CD82: variants seen among roughly 807,000 people sequenced by gnomAD.
CD82 encodes the protein CD82 molecule.
Under a neutral mutation model 37.4 loss-of-function variants are expected in CD82, and 36 were observed. The ratio of observed to expected loss-of-function variants is 0.96; its 90% CI spans 0.74 to 1.27. The LOEUF (loss-of-function observed/expected upper bound fraction) is 1.27. Ranked by LOEUF, CD82 falls within the 50% of genes most tolerant of loss-of-function variation. The pLI is 0.00. For missense variants in CD82, 340 were observed against 347.0 expected (o/e 0.98, Z 0.16); for synonymous variants, 158 against 137.4 (o/e 1.15, Z -1.05).
intron 7 of CD82, among the ~76,000 whole-genome samples, chr11:44,617,197 C>T (rs961626524): frequency 6.6e-6 from 1 of 152,152 alleles, no homozygotes; most frequent in African/African-American, 2.4e-5. Flanking sequence ...ACAGAGACCT[C>T]CTTTAGCACA....
chr11:44,568,086 G>T (rs575040885), intron 1 of CD82, among the ~76,000 whole-genome samples: 2 of 152,308 alleles, frequency 1.3e-5, no homozygotes, highest in Admixed American at 1.3e-4. Flanking sequence ...GCAGAAAGTG[G>T]GAGCCACTGA....
rs761257124 is a variant in CD82, at chr11:44,594,699, C to A, written c.37C>A (p.Leu13Ile). 1.1e-5 allele frequency: 17 copies of A among 1,613,798 alleles called. No homozygotes were observed. Among genetic ancestry groups the A allele is most frequent in the African/African-American group, 2.7e-5 (2 of 74,920 alleles). ...CTGTATCAAAGTCACCAAATACTTT[C>A]TCTTCCTCTTCAACTTGATCTTCTT... ...SACIKVTKYFLFLFNLIFFIL... is the reference protein window; with the variant it reads ...SACIKVTKYFIFLFNLIFFIL... The change falls in exon 3 of 10, where the codon CTC (leucine) becomes ATC (isoleucine). Residue 13 changes from leucine (L) to isoleucine (I), a missense_variant. Physicochemically the swap from Leu to Ile is conservative, Grantham distance 5 (BLOSUM62 2). Coordinates refer to ENST00000227155, the MANE Select transcript of CD82 (RefSeq NM_002231.4).
chr11:44,611,307 ATTCACCC>A (rs1853477500), intron 6 of CD82, among the ~76,000 whole-genome samples: 1 of 151,990 alleles, frequency 6.6e-6, no homozygotes, highest in Admixed American at 6.6e-5. Flanking sequence ...TGCTGTCCCT[ATTCACCC>A]TTCAGCCCTA....
At chr11:44,615,134 G>A (rs12788360) in intron 6 of CD82, 138 bp from the exon 7 acceptor site, 36 of 645,912 alleles carry the variant, frequency 5.6e-5, no homozygotes, top group Non-Finnish European at 9.5e-5. Context: ...CCCTGGGAGC[G>A]CCAGGAAAGT....
At chr11:44,571,566 GTTTTAT>G (rs770927857) in intron 1 of CD82, among the ~76,000 whole-genome samples, 1 of 152,084 alleles carries the variant, frequency 6.6e-6, no homozygotes, top group Non-Finnish European at 1.5e-5. Flanking sequence ...TTTTGGTAGT[GTTTTAT>G]TTTTATTTTT....
intron 1 of CD82, chr11:44,585,215 T>C (rs762137511): frequency 9.9e-5 from 45 of 456,176 alleles, no homozygotes; most frequent in Non-Finnish European, 1.9e-4. Context: ...GGCTAGAGAC[T>C]GGATCAGGCC....
chr11:44,616,548 C>T (rs1233024240), intron 7 of CD82, among the ~76,000 whole-genome samples: 1 of 152,160 alleles, frequency 6.6e-6, no homozygotes, highest in Non-Finnish European at 1.5e-5. Context: ...CTGTCAGATG[C>T]TGCTTAGGCC....
intron 3 of CD82, 46 bp from the exon 4 acceptor site, chr11:44,600,112 G>A: frequency 6.3e-7 from 1 of 1,588,788 alleles, no homozygotes; most frequent in South Asian, 1.1e-5. Flanking sequence ...CAGGGGGAGG[G>A]CTATCTGCTC....
intron 1 of CD82, among the ~76,000 whole-genome samples, chr11:44,569,208 G>C (rs566887943): frequency 6.6e-6 from 1 of 152,324 alleles, no homozygotes; most frequent in Non-Finnish European, 1.5e-5. Context: ...CATGGAGTGA[G>C]TGGTGTGGGA....
chr11:44,612,237 T>C (rs929085139), intron 6 of CD82, among the ~76,000 whole-genome samples: 2 of 152,360 alleles, frequency 1.3e-5, no homozygotes, highest in African/African-American at 4.8e-5. Flanking sequence ...GGTAAAAACC[T>C]GGGTTCTGAA....
At chr11:44,579,219 G>T (rs1852944391) in intron 1 of CD82, among the ~76,000 whole-genome samples, 1 of 149,796 alleles carries the variant, frequency 6.7e-6, no homozygotes, top group Non-Finnish European at 1.5e-5. Flanking sequence ...CTGGGGAAGG[G>T]TCATTGTTAA....
intron 4 of CD82, chr11:44,604,740 G>C: frequency 2.6e-6 from 1 of 389,380 alleles, no homozygotes; most frequent in Non-Finnish European, 4.9e-6. Flanking sequence ...CCTTGGTGGA[G>C]GGGGAGAGCA....
At chr11:44,569,457 T>C (rs1852784274) in intron 1 of CD82, among the ~76,000 whole-genome samples, 1 of 152,230 alleles carries the variant, frequency 6.6e-6, no homozygotes, top group Non-Finnish European at 1.5e-5. Context: ...GCTGCTGCTC[T>C]GCTGTGTGTA....
chr11:44,618,498 C>A, intron 8 of CD82, 133 bp downstream of exon 8: 1 of 1,053,910 alleles, frequency 9.5e-7, no homozygotes, highest in East Asian at 2.4e-5. Flanking sequence ...TCATCTACTT[C>A]TTTGTTAATG....
intron 7 of CD82, among the ~76,000 whole-genome samples, chr11:44,617,642 C>A (rs1176617033): frequency 3.3e-5 from 5 of 151,726 alleles, no homozygotes; most frequent in African/African-American, 1.2e-4. Context: ...CACCAGGAAG[C>A]TCAGAGGCAA....
intron 1 of CD82, among the ~76,000 whole-genome samples, chr11:44,574,109 C>T (rs182376942): frequency 9.9e-5 from 15 of 152,262 alleles, no homozygotes; most frequent in Non-Finnish European, 7.3e-5. Context: ...CAGCAGAAGA[C>T]TTAGATTCTC....
intron 4 of CD82, chr11:44,604,748 G>T: frequency 2.5e-6 from 1 of 398,524 alleles, no homozygotes; most frequent in Admixed American, 3.8e-5. Flanking sequence ...GAGGGGGAGA[G>T]CAGACAATGA....
intron 1 of CD82, among the ~76,000 whole-genome samples, chr11:44,574,012 G>A (rs545481800): frequency 6.6e-6 from 1 of 152,340 alleles, no homozygotes; most frequent in South Asian, 2.1e-4. Flanking sequence ...CTGGGGAAAT[G>A]ATAGGGAGTC....
intron 2 of CD82, chr11:44,588,035 T>C (rs1853082876): frequency 4.7e-6 from 1 of 210,938 alleles, no homozygotes; most frequent in African/African-American, 2.2e-5. Flanking sequence ...CTTGTTCTCG[T>C]AAATAACAGT....
Sources: allele counts gnomAD v4.1 joint callset (sites outside exome capture counted in the v4.1 genomes callset), GRCh38; gene constraint gnomAD v4.1.1; transcripts MANE v1.5; gene names NCBI Gene and HGNC (gene_info 2026-07-23, HGNC 2026-07-21).